The following HPSE2 variants were observed in gnomAD, a reference collection of about 807,000 sequenced individuals.
The protein encoded by HPSE2 is heparanase 2 (inactive).
Under a neutral mutation model 60.5 loss-of-function variants are expected in HPSE2, and 38 were observed. The observed-to-expected ratio is 0.63, with a 90% confidence interval of 0.48 to 0.82. The LOEUF is 0.82. Ranked by LOEUF, HPSE2 falls within the 40% of genes least tolerant of loss-of-function variation. HPSE2 has a pLI of 0.00. For synonymous variants in HPSE2, 295 were observed against 293.2 expected (o/e 1.01, Z -0.06); for missense variants, 713 against 740.4 (o/e 0.96, Z 0.43).
At chr10:99,282,017 T>C in the HPSE2 span, among the ~76,000 whole-genome samples, 2 of 152,060 alleles carry the variant, frequency 1.3e-5, no homozygotes, top group Non-Finnish European at 2.9e-5. Flanking sequence ...CCCAGCACTT[T>C]GGGAGGCCGA....
chr10:98,926,443 C>T (rs1026168178), intron 3 of HPSE2, among the ~76,000 whole-genome samples: 1 of 152,094 alleles, frequency 6.6e-6, no homozygotes, highest in Non-Finnish European at 1.5e-5. Context: ...GGAAACAGAT[C>T]TAATTTAGTC....
At chr10:98,559,836 G>C (rs1232865360) in intron 9 of HPSE2, among the ~76,000 whole-genome samples, 6 of 152,210 alleles carry the variant, frequency 3.9e-5, no homozygotes, top group Admixed American at 1.3e-4. Flanking sequence ...CCTTGTGGAA[G>C]AGATGGTTTG....
chr10:98,490,518 C>G lies in HPSE2; in HGVS notation c.1321-322G>C, dbSNP rs147993297. Among the ~76,000 whole-genome samples the G allele has an allele frequency of 4.3e-4, 66 of 152,262 alleles. 1 individual carries two copies. In the East Asian group the frequency reaches 0.012, roughly 29 times the overall value. ...ATATATGAAATAAAACCATTTGAGG[C>G]TTTACATTTTCAACTTTCTTTTCCT... is the stretch of plus-strand genomic sequence containing the variant. On this transcript the variant is annotated intron_variant, in intron 9 of 11. Coordinates refer to ENST00000370552, the MANE Select transcript of HPSE2 (RefSeq NM_021828.5).
At chr10:98,810,226 C>T (rs1272616520) in intron 3 of HPSE2, among the ~76,000 whole-genome samples, 1 of 152,088 alleles carries the variant, frequency 6.6e-6, no homozygotes, top group Non-Finnish European at 1.5e-5. Flanking sequence ...AAATTGTTTA[C>T]TTATCTGCTT....
intron 6 of HPSE2, among the ~76,000 whole-genome samples, chr10:98,675,118 G>T (rs1288267867): frequency 6.6e-6 from 1 of 152,154 alleles, no homozygotes; most frequent in African/African-American, 2.4e-5. Flanking sequence ...ATAACACTGT[G>T]TAGTGGGAAC....
chr10:98,532,407 G>C (rs7096013), intron 9 of HPSE2, among the ~76,000 whole-genome samples: 42,256 of 152,018 alleles, frequency 0.28, 6,285 homozygotes, highest in East Asian at 0.49. Flanking sequence ...TTCTGCCTCT[G>C]CTTCGTGATC....
intron 2 of HPSE2, among the ~76,000 whole-genome samples, chr10:99,152,784 C>T (rs1389500864): frequency 1.3e-5 from 2 of 152,224 alleles, no homozygotes; most frequent in Non-Finnish European, 2.9e-5. Flanking sequence ...CAGTCTACAG[C>T]TCCCAGCGTG....
intron 3 of HPSE2, among the ~76,000 whole-genome samples, chr10:98,869,379 T>A (rs1458847804): frequency 6.6e-6 from 1 of 152,178 alleles, no homozygotes; most frequent in Non-Finnish European, 1.5e-5. Flanking sequence ...AATGTCCAAA[T>A]GAGTTTTAAT....
chr10:98,781,185 A>G (rs1336917058), intron 3 of HPSE2, among the ~76,000 whole-genome samples: 3 of 152,086 alleles, frequency 2.0e-5, no homozygotes, highest in African/African-American at 7.2e-5. Flanking sequence ...GTGCTACAGC[A>G]TAGCATAGCT....
chr10:99,264,812 C>A, the HPSE2 span, among the ~76,000 whole-genome samples: 1 of 106,668 alleles, frequency 9.4e-6, no homozygotes, highest in South Asian at 3.7e-4. Flanking sequence ...CACAGTATCA[C>A]CCCTCACCCC....
intron 3 of HPSE2, among the ~76,000 whole-genome samples, chr10:98,834,715 T>G (rs765619721): frequency 6.6e-6 from 1 of 152,172 alleles, no homozygotes; most frequent in Non-Finnish European, 1.5e-5. Flanking sequence ...CAGCTACATA[T>G]CTGTATGAGG....
chr10:98,949,953 T>C (rs917394615), intron 3 of HPSE2, among the ~76,000 whole-genome samples: 1 of 152,168 alleles, frequency 6.6e-6, no homozygotes. Flanking sequence ...AAGTTGAAAC[T>C]TTAAAAATAT....
chr10:99,200,767 T>TG (rs1269805389), intron 2 of HPSE2, among the ~76,000 whole-genome samples: 3 of 152,068 alleles, frequency 2.0e-5, no homozygotes, highest in Non-Finnish European at 1.5e-5. Flanking sequence ...AGAAAACAGG[T>TG]TAGGTTTAGC....
chr10:98,461,946 C>A (rs183435356), intron 11 of HPSE2: 5 of 745,976 alleles, frequency 6.7e-6, no homozygotes, highest in African/African-American at 3.5e-5. Flanking sequence ...AGAGTAGAAC[C>A]AGGAAGCATG....
chr10:98,778,906 G>C (rs1461310822), intron 3 of HPSE2, among the ~76,000 whole-genome samples: 1 of 152,158 alleles, frequency 6.6e-6, no homozygotes, highest in African/African-American at 2.4e-5. Context: ...TCTTAAAGAA[G>C]TTGTGAAAGT....
intron 10 of HPSE2, among the ~76,000 whole-genome samples, chr10:98,487,428 T>C (rs1941482969): frequency 6.6e-6 from 1 of 152,220 alleles, no homozygotes; most frequent in Admixed American, 6.5e-5. Flanking sequence ...GTGAAATGGA[T>C]TCCTGTGTTG....
chr10:98,841,938 C>A (rs752230949), intron 3 of HPSE2, among the ~76,000 whole-genome samples: 18 of 152,062 alleles, frequency 1.2e-4, no homozygotes, highest in Non-Finnish European at 2.4e-4. Context: ...TCCAGAGTAG[C>A]TGGGACTACA....
intron 3 of HPSE2, among the ~76,000 whole-genome samples, chr10:98,838,737 C>A (rs897006314): frequency 1.3e-5 from 2 of 152,126 alleles, no homozygotes; most frequent in Admixed American, 1.3e-4. Flanking sequence ...TGGCCTGATT[C>A]ATTTTTATAT....
intron 4 of HPSE2, among the ~76,000 whole-genome samples, chr10:98,724,192 A>G (rs1169434782): frequency 6.6e-6 from 1 of 152,048 alleles, no homozygotes; most frequent in Non-Finnish European, 1.5e-5. Context: ...TTCAAAGAAC[A>G]TCTTTATTTC....
Sources: allele counts gnomAD v4.1 joint callset (sites outside exome capture counted in the v4.1 genomes callset), GRCh38; gene constraint gnomAD v4.1.1; transcripts MANE v1.5; gene names NCBI Gene and HGNC (gene_info 2026-07-23, HGNC 2026-07-21).